Variants in MYH9 observed in about 807,000 individuals in gnomAD.
MYH9 encodes the protein myosin-9.
MYH9 carries 29 observed loss-of-function variants against 241.9 expected under a neutral mutation model. That is an observed-to-expected ratio of 0.12 (90% CI 0.09 to 0.16). MYH9 has a LOEUF of 0.16. Among genes scored for constraint, MYH9 ranks in the 10% least tolerant of loss-of-function variants. MYH9 has a pLI of 1.00. For synonymous variants in MYH9, 1,047 were observed against 1,062.6 expected, an observed-to-expected ratio of 0.99 and a Z score of 0.29; for missense variants, 1,803 against 2,595.5, an observed-to-expected ratio of 0.69 and a Z score of 6.63.
chr22:36,331,022 C>T (rs2017412182), intron 3 of MYH9, among the ~76,000 whole-genome samples: 1 of 152,122 alleles, frequency 6.6e-6, no homozygotes, highest in African/African-American at 2.4e-5. Flanking sequence ...TCCCAAATTC[C>T]TGAGCAAGGG....
At chr22:36,332,958 C>A (rs1006510244) in intron 3 of MYH9, among the ~76,000 whole-genome samples, 9 of 152,200 alleles carry the variant, frequency 5.9e-5, no homozygotes, top group Non-Finnish European at 1.3e-4. Flanking sequence ...ACAGCACATG[C>A]CACCGGGACA....
At chr22:36,384,327 A>C (rs1389630426) in intron 1 of MYH9, among the ~76,000 whole-genome samples, 1 of 151,178 alleles carries the variant, frequency 6.6e-6, no homozygotes, top group Admixed American at 6.6e-5. Context: ...TCACACCTGT[A>C]ATCTCAGCAC....
At chr22:36,381,829 CACA>C (rs1422578714) in intron 1 of MYH9, among the ~76,000 whole-genome samples, 1 of 152,174 alleles carries the variant, frequency 6.6e-6, no homozygotes, top group Non-Finnish European at 1.5e-5. Context: ...TTTTTAATAG[CACA>C]ACTTGTTTCC....
At position 36,288,602 on chromosome 22, in the gene MYH9, G is replaced by A; in HGVS notation, c.4770+125C>T. On this transcript the variant is annotated intron_variant, in intron 33 of 40. Transcript: ENST00000216181. The surrounding 1 kb of genome is among the most constrained non-coding windows in gnomAD (Gnocchi z 4.8). ...CCCCGAGACAGGAGGCTAGAAAGAA[G>A]GAATATGGGAGGGGAGGCGTGGTCA... 7.5e-7 allele frequency: 1 copy of A among 1,339,706 alleles called. No individual in the cohort carries two copies. The highest frequency in any genetic ancestry group is 1.1e-6 in the Non-Finnish European group (1 of 947,012). The allele number at this position is 1,339,706 out of a possible 1,614,324, so 83.0% of individuals were successfully genotyped here.
In MYH9 at chr22:36,284,247, G is replaced by A. The variant is rs1428890239; in HGVS notation, c.5611C>T (p.Arg1871Cys). Residue 1871 changes from arginine (R) to cysteine (C), a missense_variant, in exon 40 of 41, where the codon CGC (arginine) becomes TGC (cysteine). Physicochemically the swap from Arg to Cys is radical, Grantham distance 180. Coordinates refer to ENST00000216181, the MANE Select transcript of MYH9 (RefSeq NM_002473.6). The part of the protein sequence containing the change: ...YKDQADKAST[R>C]LKQLKRQLEE... ...AGCTGCCGCTTGAGCTGCTTCAGGC[G>A]GGTAGATGCCTTGTCGGCCTGCGGA... 6 of 1,611,702 alleles carry A rather than the reference G, an allele frequency of 3.7e-6. No individual in the cohort carries two copies. Among genetic ancestry groups the A allele is most frequent in the Non-Finnish European group, 5.1e-6 (6 of 1,179,552 alleles).
At chr22:36,379,279 G>C (rs143426349) in intron 1 of MYH9, among the ~76,000 whole-genome samples, 29 of 152,128 alleles carry the variant, frequency 1.9e-4, no homozygotes, top group Admixed American at 9.2e-4. Context: ...AGGCCGAGGC[G>C]GGTGGATCAT....
At chr22:36,291,682 T>TA (rs2016705926) in intron 31 of MYH9, among the ~76,000 whole-genome samples, 2 of 42,358 alleles carry the variant, frequency 4.7e-5, no homozygotes, top group Non-Finnish European at 9.4e-5. Flanking sequence ...AATAAAAAAA[T>TA]TAAAAAAAAA....
chr22:36,296,160 G>A (rs915295531), intron 25 of MYH9, among the ~76,000 whole-genome samples: 1 of 152,182 alleles, frequency 6.6e-6, no homozygotes, highest in African/African-American at 2.4e-5. Context: ...GAGGCGGTGC[G>A]TGAGTGGGGC....
rs1481520637 is a variant in MYH9 at position 36,294,128 on chromosome 22, C to T, written c.3801G>A (p.Val1267=). ...TGACCTTGTCGGCCAGCTCTGTGCG[C>T]ACGCGCTCTCCCTCGTTGAACTTGA... ...LQVKFNEGER[V]RTELADKVTK... is the part of the protein sequence containing the mutation. The change falls in exon 28 of 41, where the codon GTG becomes GTA. Residue 1267 remains valine (V), a synonymous_variant. Transcript: ENST00000216181. The T allele has an allele frequency of 1.9e-6, 3 of 1,611,218 alleles. No homozygotes were observed. The highest frequency in any genetic ancestry group is 2.2e-5 in the East Asian group (1 of 44,888).
At position 36,281,987 on chromosome 22, in the gene MYH9, G is replaced by A. The variant is rs539321079; in HGVS notation, c.*681C>T. ...CTGTCCTCGGTAAAGGAGGGGAGGG[G>A]GCATTGCACTTGAGACATTTTAGAA... On this transcript the variant is annotated 3_prime_UTR_variant, in exon 41 of 41. Transcript: ENST00000216181. 1 of 233,680 alleles carries A rather than the reference G, an allele frequency of 4.3e-6. No individual in the cohort carries two copies. The highest frequency in any genetic ancestry group is 2.2e-5 in the African/African-American group (1 of 45,428). The allele number at this position is 233,680 out of a possible 1,614,324, so 14.5% of individuals were successfully genotyped here.
At chr22:36,325,372 C>A (rs533431915) in intron 5 of MYH9, among the ~76,000 whole-genome samples, 1 of 152,344 alleles carries the variant, frequency 6.6e-6, no homozygotes, top group South Asian at 2.1e-4. Context: ...GACTCACACC[C>A]CTCCTTACTT....
At chr22:36,312,688 C>T (rs1408338858) in intron 13 of MYH9, among the ~76,000 whole-genome samples, 2 of 152,204 alleles carry the variant, frequency 1.3e-5, no homozygotes, top group African/African-American at 4.8e-5. Context: ...CAGCAGCCTT[C>T]TGCACACTGA....
intron 19 of MYH9, 57 bp downstream of exon 19, chr22:36,303,938 A>C: frequency 6.2e-7 from 1 of 1,601,852 alleles, no homozygotes; most frequent in Non-Finnish European, 8.5e-7. Flanking sequence ...GCCCTTTGGC[A>C]ACAGAAGGGC....
At chr22:36,315,374 T>G (rs529486466) in intron 12 of MYH9, among the ~76,000 whole-genome samples, 281 of 152,254 alleles carry the variant, frequency 1.8e-3, no homozygotes, top group Non-Finnish European at 3.3e-3. Flanking sequence ...TCCCGTGGAC[T>G]CCAGGTTAAG....
chr22:36,365,845 A>AT (rs2018002328), intron 1 of MYH9, among the ~76,000 whole-genome samples: 1 of 152,196 alleles, frequency 6.6e-6, no homozygotes, highest in Non-Finnish European at 1.5e-5. Flanking sequence ...TACACATGCT[A>AT]TTCACTCTGA....
At chr22:36,334,560 CT>C (rs1257284477) in intron 3 of MYH9, among the ~76,000 whole-genome samples, 1 of 152,228 alleles carries the variant, frequency 6.6e-6, no homozygotes, top group African/African-American at 2.4e-5. Context: ...GCTGTGACAA[CT>C]CACTTCCTGC....
chr22:36,345,907 G>A (rs1337300872), intron 2 of MYH9, among the ~76,000 whole-genome samples: 1 of 152,188 alleles, frequency 6.6e-6, no homozygotes, highest in Admixed American at 6.5e-5. Flanking sequence ...CCAGCACTTT[G>A]GGAGGACGAG....
At chr22:36,308,679 G>T in intron 15 of MYH9, 1 of 365,334 alleles carries the variant, frequency 2.7e-6, no homozygotes, top group Non-Finnish European at 3.8e-6. Context: ...GCAGATCAGG[G>T]AACGGGGGTG....
In MYH9 at chr22:36,320,319, T is replaced by C. The variant is rs2017230130; in HGVS notation, c.913A>G (p.Asn305Asp). 6.2e-7 allele frequency: 1 copy of C among 1,614,196 alleles called. No individual in the cohort carries two copies. Among genetic ancestry groups the C allele is most frequent in the Non-Finnish European group, 8.5e-7 (1 of 1,180,026 alleles). Residue 305 changes from asparagine to aspartate, a missense_variant, in exon 9 of 41, where the codon AAT (asparagine) becomes GAT (aspartate). By Grantham distance (23) the Asn-to-Asp change is conservative. Transcript: ENST00000216181. The surrounding 1 kb of genome is among the most constrained non-coding windows in gnomAD (Gnocchi z 4.8). ...TGCCCGGGGATGGTGACGTGTCCAT[T>C]GGACAGGAAGCGGTATTTGTTGTAC... is the stretch of plus-strand genomic sequence containing the variant. ...EPYNKYRFLS[N>D]GHVTIPGQQD...
Sources: allele counts gnomAD v4.1 joint callset (sites outside exome capture counted in the v4.1 genomes callset), GRCh38; gene constraint gnomAD v4.1.1; non-coding constraint Gnocchi (gnomAD v3.1); transcripts MANE v1.5; gene names NCBI Gene and HGNC (gene_info 2026-07-23, HGNC 2026-07-21).